The following LAMA2 variants were observed in gnomAD, a reference collection of about 807,000 sequenced individuals.
LAMA2 encodes laminin subunit alpha-2.
LAMA2 carries 269 observed loss-of-function variants against 364.8 expected under a neutral mutation model. That is an observed-to-expected ratio of 0.74 (90% CI 0.67 to 0.82). The LOEUF is 0.82. Ranked by LOEUF, LAMA2 falls within the 40% of genes least tolerant of loss-of-function variation. The probability of loss-of-function intolerance (pLI) is 0.00; values close to 1 mark genes in which losing one functional copy is unlikely to be tolerated. For synonymous variants in LAMA2, 1,379 were observed against 1,370.6 expected, an observed-to-expected ratio of 1.01 and a Z score of -0.14; for missense variants, 3,807 against 3,873.2, an observed-to-expected ratio of 0.98 and a Z score of 0.45.
intron 34 of LAMA2, among the ~76,000 whole-genome samples, chr6:129,381,176 C>T (rs1778662037): frequency 6.6e-6 from 1 of 152,032 alleles, no homozygotes. Flanking sequence ...GGTATTGATA[C>T]ATTAATCCGT....
intron 12 of LAMA2, among the ~76,000 whole-genome samples, chr6:129,204,681 C>G (rs1054863351): frequency 3.3e-5 from 5 of 152,116 alleles, no homozygotes; most frequent in African/African-American, 1.2e-4. Flanking sequence ...GTTGTATAAG[C>G]CACCCAGTCT....
intron 27 of LAMA2, among the ~76,000 whole-genome samples, chr6:129,317,489 CTT>C (rs1448521579): frequency 6.6e-6 from 1 of 151,932 alleles, no homozygotes; most frequent in Non-Finnish European, 1.5e-5. Context: ...GATGTAGAGA[CTT>C]TTAGTAAAAG....
chr6:128,891,200 T>C (rs1476128857), intron 1 of LAMA2, among the ~76,000 whole-genome samples: 2 of 152,086 alleles, frequency 1.3e-5, no homozygotes, highest in Non-Finnish European at 2.9e-5. Context: ...TCTAGTTGCC[T>C]TGACAAATGA....
intron 1 of LAMA2, among the ~76,000 whole-genome samples, chr6:128,965,523 C>A (rs976066498): frequency 4.6e-5 from 7 of 151,906 alleles, no homozygotes; most frequent in African/African-American, 1.7e-4. Context: ...TGGGATTTTT[C>A]CATTTTTATT....
intron 12 of LAMA2, among the ~76,000 whole-genome samples, chr6:129,215,040 G>T (rs1783338695): frequency 6.6e-6 from 1 of 151,984 alleles, no homozygotes; most frequent in Non-Finnish European, 1.5e-5. Context: ...TAGTATAAAT[G>T]GTCTTGTGTT....
At chr6:129,139,021 C>T (rs1275759957) in intron 4 of LAMA2, among the ~76,000 whole-genome samples, 1 of 152,022 alleles carries the variant, frequency 6.6e-6, no homozygotes, top group Non-Finnish European at 1.5e-5. Flanking sequence ...GCTAATAGGT[C>T]AAATATGGTG....
At chr6:129,137,577 TA>T (rs1312524867) in intron 4 of LAMA2, among the ~76,000 whole-genome samples, 5 of 152,206 alleles carry the variant, frequency 3.3e-5, no homozygotes, top group African/African-American at 4.8e-5. Flanking sequence ...TAAATAAATT[TA>T]TACTAGAATT....
At chr6:128,928,686 G>A (rs111981134) in intron 1 of LAMA2, among the ~76,000 whole-genome samples, 391 of 152,254 alleles carry the variant, frequency 2.6e-3, no homozygotes, top group Non-Finnish European at 3.9e-3. Context: ...GCAAAAGAAC[G>A]TCTTTCTGAA....
At chr6:129,145,715 A>T (rs1176910201) in intron 5 of LAMA2, among the ~76,000 whole-genome samples, 3 of 151,944 alleles carry the variant, frequency 2.0e-5, no homozygotes, top group Non-Finnish European at 4.4e-5. Flanking sequence ...CAACATATAA[A>T]TATGTTTTTT....
At chr6:129,336,010 G>A (rs543961402) in intron 29 of LAMA2, among the ~76,000 whole-genome samples, 33 of 152,246 alleles carry the variant, frequency 2.2e-4, no homozygotes, top group African/African-American at 6.3e-4. Context: ...AAAATTTGTC[G>A]CAGGATAGTA....
At chr6:129,114,813 G>T (rs1257253149) in intron 4 of LAMA2, among the ~76,000 whole-genome samples, 1 of 151,964 alleles carries the variant, frequency 6.6e-6, no homozygotes, top group East Asian at 1.9e-4. Context: ...CTTCCATGCA[G>T]TCAGCCAAAT....
chr6:129,475,453 G>T, intron 53 of LAMA2, 52 bp downstream of exon 53: 2 of 1,446,706 alleles, frequency 1.4e-6, no homozygotes, highest in Non-Finnish European at 1.9e-6. Flanking sequence ...TTGGGTAAAT[G>T]TGGCTTCTTA....
At chr6:129,071,632 A>C (rs1360821240) in intron 3 of LAMA2, among the ~76,000 whole-genome samples, 1 of 152,108 alleles carries the variant, frequency 6.6e-6, no homozygotes, top group Non-Finnish European at 1.5e-5. Context: ...AATATATTCT[A>C]ATTTTCATAG....
chr6:129,065,633 C>A (rs1232874626), intron 3 of LAMA2, among the ~76,000 whole-genome samples: 1 of 151,936 alleles, frequency 6.6e-6, no homozygotes, highest in East Asian at 1.9e-4. Context: ...TTAAAAAAAT[C>A]AATAAAATAA....
chr6:129,225,441 G>T (rs554436060), intron 12 of LAMA2, among the ~76,000 whole-genome samples: 2 of 152,162 alleles, frequency 1.3e-5, no homozygotes, highest in East Asian at 3.9e-4. Context: ...GTCAATTTTG[G>T]ATCTTTCCTG....
intron 12 of LAMA2, among the ~76,000 whole-genome samples, chr6:129,205,853 C>T (rs893553048): frequency 6.6e-6 from 1 of 151,698 alleles, no homozygotes; most frequent in Non-Finnish European, 1.5e-5. Flanking sequence ...GGTGAAACCC[C>T]ACTCTACTAA....
chr6:129,135,073 G>A (rs945096535), intron 4 of LAMA2, among the ~76,000 whole-genome samples: 2 of 152,112 alleles, frequency 1.3e-5, no homozygotes, highest in Non-Finnish European at 2.9e-5. Flanking sequence ...GTCTACCCCA[G>A]GAAGCCTAGA....
At chr6:129,498,727 G>GTT (rs1785391589) in intron 58 of LAMA2, among the ~76,000 whole-genome samples, 1 of 152,094 alleles carries the variant, frequency 6.6e-6, no homozygotes, top group Non-Finnish European at 1.5e-5. Context: ...ATGATTCATT[G>GTT]TTTGGTGCTT....
chr6:129,502,967 G>T, intron 59 of LAMA2, 124 bp from the exon 60 acceptor site: 1 of 988,306 alleles, frequency 1.0e-6, no homozygotes, highest in East Asian at 2.5e-5. Context: ...GCCTGATAAA[G>T]TCCTCATCTC....
Sources: allele counts gnomAD v4.1 joint callset (sites outside exome capture counted in the v4.1 genomes callset), GRCh38; gene constraint gnomAD v4.1.1; transcripts MANE v1.5; gene names NCBI Gene and HGNC (gene_info 2026-07-23, HGNC 2026-07-21).